The following SH3D19 variants were observed in gnomAD, a reference collection of about 807,000 sequenced individuals.
SH3D19 encodes SH3 domain containing 19.
Under a neutral mutation model 112.1 loss-of-function variants are expected in SH3D19, and 58 were observed. That is an observed-to-expected ratio of 0.52 (90% CI 0.42 to 0.64). The LOEUF is 0.64. Ranked by LOEUF, SH3D19 falls within the 30% of genes least tolerant of loss-of-function variation. SH3D19 has a pLI of 0.00. For missense variants in SH3D19, 1,090 were observed against 1,263.4 expected (o/e 0.86, Z 2.08); for synonymous variants, 391 against 448.5 (o/e 0.87, Z 1.62).
At chr4:151,291,533 G>C in intron 1 of SH3D19, 1 of 996,374 alleles carries the variant, frequency 1.0e-6, no homozygotes, top group South Asian at 1.7e-5. Flanking sequence ...TTTTGATTTT[G>C]GAAGTTTTGG....
chr4:151,278,393 T>C (rs1773856317), intron 1 of SH3D19, among the ~76,000 whole-genome samples: 1 of 144,024 alleles, frequency 6.9e-6, no homozygotes, highest in African/African-American at 2.5e-5. Context: ...TCAGCCTCCC[T>C]AGTAGCTGGG....
intron 10 of SH3D19, among the ~76,000 whole-genome samples, 182 bp downstream of exon 10, chr4:151,149,318 A>C (rs1754506639): frequency 6.6e-6 from 1 of 152,206 alleles, no homozygotes; most frequent in Admixed American, 6.5e-5. Context: ...TTAAAAAGGG[A>C]GCAGAGATTC....
intron 2 of SH3D19, among the ~76,000 whole-genome samples, chr4:151,224,705 G>C (rs989871785): frequency 2.0e-5 from 3 of 151,940 alleles, no homozygotes; most frequent in Non-Finnish European, 2.9e-5. Flanking sequence ...CTCTTACATT[G>C]CCTTATTTTT....
At chr4:151,294,070 A>C (rs1268587497) in intron 1 of SH3D19, among the ~76,000 whole-genome samples, 1 of 152,246 alleles carries the variant, frequency 6.6e-6, no homozygotes, top group Non-Finnish European at 1.5e-5. Context: ...CAACATAGCT[A>C]TAATTGAACA....
intron 7 of SH3D19, among the ~76,000 whole-genome samples, chr4:151,166,577 G>C (rs888106413): frequency 2.0e-5 from 3 of 151,836 alleles, no homozygotes; most frequent in Non-Finnish European, 1.5e-5. Context: ...ATTCTACTCA[G>C]CACACAGGAT....
At chr4:151,246,196 A>G (rs1305738055) in intron 1 of SH3D19, among the ~76,000 whole-genome samples, 1 of 152,220 alleles carries the variant, frequency 6.6e-6, no homozygotes, top group Non-Finnish European at 1.5e-5. Context: ...TTGAATCTGA[A>G]AAGGAAAACC....
chr4:151,188,258 C>T (rs1366351592), intron 2 of SH3D19, among the ~76,000 whole-genome samples: 1 of 152,158 alleles, frequency 6.6e-6, no homozygotes, highest in Non-Finnish European at 1.5e-5. Context: ...TAGGAGGTCT[C>T]TGATACCTTA....
At position 151,317,004 on chromosome 4, in the gene SH3D19, C is replaced by T. The variant is rs189030307; in HGVS notation, c.112+8237G>A. Among the ~76,000 whole-genome samples the T allele has an allele frequency of 4.4e-3, 675 of 152,342 alleles. 2 individuals carry two copies. The highest frequency in any genetic ancestry group is 0.014 in the African/African-American group (586 of 41,578). ...TACTATAAATTCCCCTAGAACACAT[C>T]CCATGTCTTCCACTGATGAAGGGGA... On this transcript the variant is annotated intron_variant, in intron 1 of 19. Coordinates refer to ENST00000604030, the MANE Select transcript of SH3D19 (RefSeq NM_001378122.1).
At chr4:151,219,177 T>G (rs989385450) in intron 2 of SH3D19, among the ~76,000 whole-genome samples, 1 of 152,194 alleles carries the variant, frequency 6.6e-6, no homozygotes, top group Non-Finnish European at 1.5e-5. Flanking sequence ...AGAATCCTCA[T>G]CTTCAATATC....
chr4:151,132,278 C>T (rs1243081318), intron 17 of SH3D19, 53 bp downstream of exon 17: 5 of 1,402,682 alleles, frequency 3.6e-6, no homozygotes, highest in African/African-American at 1.4e-5. Context: ...TTTAATATTC[C>T]TCCCAGAGTC....
At chr4:151,269,873 C>T (rs1479191073) in intron 1 of SH3D19, among the ~76,000 whole-genome samples, 3 of 151,932 alleles carry the variant, frequency 2.0e-5, no homozygotes, top group Non-Finnish European at 4.4e-5. Flanking sequence ...AAGACACAAG[C>T]ACACACATTA....
intron 9 of SH3D19, among the ~76,000 whole-genome samples, chr4:151,156,527 A>G (rs528528107): frequency 6.6e-6 from 1 of 152,334 alleles, no homozygotes; most frequent in East Asian, 1.9e-4. Context: ...CCACATATCT[A>G]CAGCCAATCG....
At chr4:151,323,961 A>G (rs565734389) in intron 1 of SH3D19, among the ~76,000 whole-genome samples, 1 of 152,306 alleles carries the variant, frequency 6.6e-6, no homozygotes, top group Admixed American at 6.5e-5. Flanking sequence ...ATATCTTTGT[A>G]AAGTTTTTTC....
chr4:151,309,600 T>C (rs1006460787), intron 1 of SH3D19, among the ~76,000 whole-genome samples: 13 of 152,146 alleles, frequency 8.5e-5, no homozygotes, highest in African/African-American at 3.1e-4. Context: ...ACCCAATGGG[T>C]ACACGAAAAG....
intron 2 of SH3D19, among the ~76,000 whole-genome samples, chr4:151,214,238 A>T (rs1485580479): frequency 1.3e-5 from 2 of 151,900 alleles, no homozygotes; most frequent in Admixed American, 6.6e-5. Flanking sequence ...CTTAGTACAG[A>T]ACAAAATGAA....
intron 16 of SH3D19, 73 bp downstream of exon 16, chr4:151,132,961 C>T (rs1751037217): frequency 8.1e-7 from 1 of 1,239,392 alleles, no homozygotes. Flanking sequence ...TATTATACAG[C>T]TTAAGTATAA....
intron 1 of SH3D19, among the ~76,000 whole-genome samples, chr4:151,318,685 T>G (rs1004201609): frequency 2.6e-5 from 4 of 152,234 alleles, no homozygotes; most frequent in African/African-American, 9.6e-5. Context: ...CTAAGGACAT[T>G]ATATACATTA....
At chr4:151,281,613 T>G (rs1051090663) in intron 1 of SH3D19, among the ~76,000 whole-genome samples, 2 of 152,030 alleles carry the variant, frequency 1.3e-5, no homozygotes, top group Non-Finnish European at 1.5e-5. Context: ...GCTAAAAGAG[T>G]TGAAAGTCAT....
chr4:151,244,978 A>C (rs955678990), intron 1 of SH3D19, among the ~76,000 whole-genome samples: 2 of 152,068 alleles, frequency 1.3e-5, no homozygotes, highest in Non-Finnish European at 2.9e-5. Context: ...TCTCGTATCT[A>C]CTAAAAATAC....
Sources: gnomAD v4.1 joint callset for allele counts (sites outside exome capture counted in the v4.1 genomes callset) on GRCh38, gnomAD v4.1.1 for gene constraint, MANE v1.5 for transcripts, NCBI Gene and HGNC (gene_info 2026-07-23, HGNC 2026-07-21) for gene names.